P2RX6: variants seen among roughly 807,000 people sequenced by gnomAD.
P2RX6 encodes the protein purinergic receptor P2X 6, also known as P2X purinoceptor 6.
Under a neutral mutation model 54.2 loss-of-function variants are expected in P2RX6, and 62 were observed. The observed-to-expected ratio is 1.14, with a 90% confidence interval of 0.93 to 1.41. P2RX6 has a LOEUF of 1.41. P2RX6 is among the 40% of genes most tolerant of loss of function. The pLI is 0.00. For synonymous variants in P2RX6, 211 were observed against 231.9 expected (o/e 0.91, Z 0.82); for missense variants, 541 against 566.3 (o/e 0.96, Z 0.45).
At chr22:21,016,492 G>A (rs910731528) in intron 2 of P2RX6, among the ~76,000 whole-genome samples, 7 of 151,812 alleles carry the variant, frequency 4.6e-5, no homozygotes, top group African/African-American at 1.7e-4. Flanking sequence ...GGGAGGCTGG[G>A]GCAGGAGAAT....
At chr22:21,018,885 T>C (rs1365915356) in intron 3 of P2RX6, 2 of 151,868 alleles carry the variant, frequency 1.3e-5, no homozygotes, top group Non-Finnish European at 2.9e-5. Context: ...CCTCCCAAAG[T>C]GCTGGGATTA....
chr22:21,011,702 T>G (rs563784237), upstream of P2RX6: 1 of 633,216 alleles, frequency 1.6e-6, no homozygotes, highest in East Asian at 2.8e-5. Flanking sequence ...GGAAAAGGAC[T>G]TACAGGTTAA....
rs915893155 is a variant in P2RX6 at position 21,020,314 on chromosome 22, G to A, written c.387+2254G>A. On this transcript the variant is annotated intron_variant, in intron 3 of 11. Transcript: ENST00000413302. ...TCAGATCTGACAACCTGGCTTTCCC[G>A]GAAGACCAGAGTTCTGCCAGCTCCT... 5.9e-5 allele frequency among the ~76,000 whole-genome samples: 9 copies of A among 152,106 alleles called. No individual in the cohort carries two copies. In the South Asian group the frequency reaches 6.2e-4, roughly 11 times the overall value.
Position 21,016,093 on chromosome 22 carries a change from G to T in P2RX6, c.315+1G>T. ...GGCCGACTTCGTGAAGCCACCTCAG[G>T]TGGGGGCCCTGATGTTGCTGACGGG... On this transcript the variant is annotated splice_donor_variant, in intron 2 of 11. Transcript: ENST00000413302. LOFTEE classifies it high-confidence loss of function. 1 of 1,561,090 alleles carries T rather than the reference G, an allele frequency of 6.4e-7. No individual in the cohort carries two copies.
intron 3 of P2RX6, chr22:21,018,926 T>A (rs988271214): frequency 6.6e-6 from 1 of 152,054 alleles, no homozygotes; most frequent in Non-Finnish European, 1.5e-5. Context: ...CGGCCTGATT[T>A]CTGGATAGTT....
intron 1 of P2RX6, 51 bp from the exon 2 acceptor site, chr22:21,015,891 C>T (rs917881213): frequency 4.6e-5 from 70 of 1,535,072 alleles, no homozygotes; most frequent in Middle Eastern, 2.3e-4. Context: ...AGCTCCGCCC[C>T]TGTCACTACA....
At chr22:21,020,449 G>A (rs1037184314) in intron 3 of P2RX6, among the ~76,000 whole-genome samples, 1 of 152,144 alleles carries the variant, frequency 6.6e-6, no homozygotes, top group Non-Finnish European at 1.5e-5. Flanking sequence ...GGGCTAGCTA[G>A]GCTAAATTCA....
At chr22:21,014,789 G>C (rs1349290038), upstream of P2RX6, among the ~76,000 whole-genome samples, 1 of 152,138 alleles carries the variant, frequency 6.6e-6, no homozygotes, top group Admixed American at 6.5e-5. Flanking sequence ...AAATCTGCAA[G>C]GGTCAGCTTA....
In P2RX6 at chr22:21,026,716, T is replaced by G. The variant is rs970085170; in HGVS notation, c.*99T>G. On this transcript the variant is annotated 3_prime_UTR_variant, in exon 12 of 12. Transcript: ENST00000413302. The surrounding 1 kb of genome is among the most constrained non-coding windows in gnomAD (Gnocchi z 4.0). ...CAGCATGGAGGATTGGGGGTAGAATTCCACCCTTGAACCCCAGCAGACAGT... is the reference window on the plus strand; with the variant it reads ...CAGCATGGAGGATTGGGGGTAGAATGCCACCCTTGAACCCCAGCAGACAGT... 22 of 1,481,726 alleles carry G rather than the reference T, an allele frequency of 1.5e-5. No homozygotes were observed. The highest frequency in any genetic ancestry group is 2.5e-4 in the Middle Eastern group (1 of 4,054). The allele number at this position is 1,481,726 out of a possible 1,614,324, so 91.8% of individuals were successfully genotyped here.
In P2RX6 at chr22:21,026,526, C is replaced by T. The variant is rs144113035; in HGVS notation, c.1235C>T (p.Thr412Met). ...AGACGGAGCTCAGCACCTGCACCCA[C>T]GGCCACTGCTGCTGGGAGTCAGACA... is the stretch of plus-strand genomic sequence containing the variant. Reference protein sequence around the residue: ...CLRRSSAPAPTATAAGSQTQT... With the variant: ...CLRRSSAPAPMATAAGSQTQT... The change falls in exon 12 of 12, where the codon ACG becomes ATG. Residue 412 changes from threonine to methionine, a missense_variant. Thr to Met is a moderately conservative substitution (Grantham distance 81). Around this residue, in one of 2 missense-constraint regions of P2RX6, gnomAD observed 526 missense variants for 531.5 expected, o/e 0.99. Coordinates refer to ENST00000413302, the MANE Select transcript of P2RX6 (RefSeq NM_005446.5). This position sits in a 1 kb window ranked among gnomAD's most constrained non-coding sequence, Gnocchi z 4.0. 4.3e-5 allele frequency: 68 copies of T among 1,590,832 alleles called. No individual in the cohort carries two copies. Among genetic ancestry groups the T allele is most frequent in the South Asian group, 1.4e-4 (12 of 86,938 alleles).
rs748099663 is a variant in P2RX6 at position 21,026,342 on chromosome 22, C to T, written c.1128+13C>T. On this transcript the variant is annotated intron_variant, in intron 11 of 11. Coordinates refer to ENST00000413302, the MANE Select transcript of P2RX6 (RefSeq NM_005446.5). This position sits in a 1 kb window ranked among gnomAD's most constrained non-coding sequence, Gnocchi z 4.0. ...AAAGTATGAGGAGGTGAGCTGAGGT[C>T]GCTCTGCTTGGACCCTGGGTTCTGC... 12 of 1,597,582 alleles carry T rather than the reference C, an allele frequency of 7.5e-6. No homozygotes were observed. The highest frequency in any genetic ancestry group is 6.8e-5 in the South Asian group (6 of 87,906).
chr22:21,012,578 C>T (rs1344794006), upstream of P2RX6: 10 of 614,856 alleles, frequency 1.6e-5, no homozygotes, highest in Non-Finnish European at 3.1e-5. Flanking sequence ...TCTGTACCTG[C>T]CCCATAGAGC....
intron 1 of P2RX6, 126 bp from the exon 2 acceptor site, chr22:21,015,816 T>A: frequency 1.1e-6 from 1 of 924,914 alleles, no homozygotes; most frequent in African/African-American, 1.7e-5. Flanking sequence ...AGAGAGGAGG[T>A]GGGGCCTTCG....
intron 3 of P2RX6, 98 bp from the exon 4 acceptor site, chr22:21,022,578 C>T: frequency 2.3e-6 from 2 of 851,562 alleles, no homozygotes; most frequent in Non-Finnish European, 3.5e-6. Flanking sequence ...GGGAAGGGGG[C>T]CTGTCCTTCC....
intron 5 of P2RX6, 24 bp from the exon 6 acceptor site, chr22:21,023,094 C>T: frequency 6.2e-7 from 1 of 1,613,136 alleles, no homozygotes; most frequent in Admixed American, 1.7e-5. Flanking sequence ...CTGGCAGAGG[C>T]TGTCACCTCC....
In P2RX6 at chr22:21,022,660, C is replaced by T; in HGVS notation, c.388-16C>T. 6.6e-7 allele frequency: 1 copy of T among 1,508,956 alleles called. No homozygotes were observed. Among genetic ancestry groups the T allele is most frequent in the Non-Finnish European group, 8.9e-7 (1 of 1,127,944 alleles). 93.5% of individuals were successfully genotyped at this position (1,508,956 alleles called of 1,614,324 possible). ...ATCCCCTGTGCCATTGGTGACTGCTCTCTCTCCCACCTCAGCACCCGTCCG... is the reference window on the plus strand; with the variant it reads ...ATCCCCTGTGCCATTGGTGACTGCTTTCTCTCCCACCTCAGCACCCGTCCG... On this transcript the variant is annotated splice_polypyrimidine_tract_variant and intron_variant, in intron 3 of 11. Coordinates refer to ENST00000413302, the MANE Select transcript of P2RX6 (RefSeq NM_005446.5).
intron 8 of P2RX6, 52 bp from the exon 9 acceptor site, chr22:21,025,753 C>G (rs547463021): frequency 1.4e-6 from 2 of 1,420,638 alleles, no homozygotes; most frequent in Non-Finnish European, 1.9e-6. Flanking sequence ...AGGGCCAGCC[C>G]CACCTGGGGG....
At chr22:21,020,893 T>TA (rs1385057068) in intron 3 of P2RX6, among the ~76,000 whole-genome samples, 1 of 151,576 alleles carries the variant, frequency 6.6e-6, no homozygotes, top group Non-Finnish European at 1.5e-5. Context: ...AGCAGAATCT[T>TA]AAAAAAAGGT....
At chr22:21,015,784 G>T (rs1174736228) in intron 1 of P2RX6, among the ~76,000 whole-genome samples, 158 bp from the exon 2 acceptor site, 2 of 152,106 alleles carry the variant, frequency 1.3e-5, no homozygotes, top group African/African-American at 4.8e-5. Context: ...CATTCAGGGG[G>T]TCTGGAGTGG....
Sources: gnomAD v4.1 joint callset for allele counts (sites outside exome capture counted in the v4.1 genomes callset) on GRCh38, gnomAD v4.1.1 for gene constraint, gnomAD v4.1.1 regional missense constraint, Gnocchi (gnomAD v3.1) non-coding constraint, MANE v1.5 for transcripts, NCBI Gene and HGNC (gene_info 2026-07-23, HGNC 2026-07-21) for gene names.